The following PDE8A variants were observed in gnomAD, a reference collection of about 807,000 sequenced individuals.
The protein encoded by PDE8A is phosphodiesterase 8A.
In PDE8A, 59 loss-of-function variants were observed where a neutral mutation model predicts 105.0. The observed-to-expected ratio is 0.56, with a 90% CI of 0.46 to 0.70. The LOEUF (loss-of-function observed/expected upper bound fraction) is 0.70, where lower values mean the gene tolerates loss of function less well. PDE8A is among the 30% of genes least tolerant of loss of function. The probability of loss-of-function intolerance (pLI) is 0.00; values close to 1 mark genes in which losing one functional copy is unlikely to be tolerated. For missense variants in PDE8A, 1,014 were observed against 1,045.9 expected (o/e 0.97, Z 0.42); for synonymous variants, 355 against 371.9 (o/e 0.95, Z 0.52).
chr15:85,002,566 C>T (rs566320710), intron 1 of PDE8A, among the ~76,000 whole-genome samples: 2 of 152,356 alleles, frequency 1.3e-5, no homozygotes, highest in African/African-American at 4.8e-5. Flanking sequence ...TTGATTAAAT[C>T]ATCGGCCATT....
chr15:84,996,969 A>T (rs913650054), intron 1 of PDE8A, among the ~76,000 whole-genome samples: 1 of 152,000 alleles, frequency 6.6e-6, no homozygotes, highest in Non-Finnish European at 1.5e-5. Flanking sequence ...ACTGTGTACT[A>T]CTGTAGACCT....
intron 1 of PDE8A, among the ~76,000 whole-genome samples, chr15:84,990,526 T>G (rs2079871107): frequency 6.6e-6 from 1 of 152,212 alleles, no homozygotes. Context: ...CAGCATAATG[T>G]TTTTGAGATT....
chr15:85,006,211 T>C (rs997733021), intron 1 of PDE8A, among the ~76,000 whole-genome samples: 3 of 152,058 alleles, frequency 2.0e-5, no homozygotes, highest in Non-Finnish European at 4.4e-5. Context: ...CATGTATACA[T>C]ATGTAACTAA....
chr15:85,137,460 G>A (rs904420798), intron 21 of PDE8A, among the ~76,000 whole-genome samples: 7 of 151,456 alleles, frequency 4.6e-5, no homozygotes, highest in African/African-American at 1.7e-4. Flanking sequence ...CATCGGTTGG[G>A]GCGGGGGGGC....
Position 85,084,420 on chromosome 15 carries a change from CAG to C in PDE8A, c.635+779_635+780del, listed in dbSNP as rs1419519403. The stretch of plus-strand genomic sequence containing the variant: ...GAGTTAGCAGAGAAGTGCTGCTGAG[CAG>C]AGGTGTTTGAAGGCTGGTGTGGTAT... On this transcript the variant is annotated intron_variant, in intron 6 of 21. Transcript: ENST00000394553. Among the ~76,000 whole-genome samples the C allele has an allele frequency of 2.6e-5, 4 of 152,118 alleles. No individual in the cohort carries two copies. The East Asian group carries it at 7.7e-4, about 29-fold the overall frequency.
chr15:85,126,972 A>G (rs2082267625), intron 20 of PDE8A, among the ~76,000 whole-genome samples: 1 of 152,164 alleles, frequency 6.6e-6, no homozygotes, highest in African/African-American at 2.4e-5. Context: ...CTTTGGGAGG[A>G]TCACTTGAGC....
chr15:85,097,957 G>T lies in PDE8A; in HGVS notation c.862G>T (p.Gly288Ter). The T allele has an allele frequency of 6.4e-7, 1 of 1,564,946 alleles. No homozygotes were observed. Among genetic ancestry groups the T allele is most frequent in the Non-Finnish European group, 8.8e-7 (1 of 1,135,664 alleles). Reference protein sequence around the residue: ...SCIRIGKEWQGIYYAKKKNGD... With the variant: ...SCIRIGKEWQ ...TACATTCCATTTATAGGAGTGGCAA[G>T]GAATTTACTATGCCAAAAAGAAAAA... Residue 288 changes from glycine to a stop codon, truncating the protein, a stop_gained, in exon 9 of 22, where the codon GGA becomes TGA. Coordinates refer to ENST00000394553, the MANE Select transcript of PDE8A (RefSeq NM_002605.3). LOFTEE classifies it high-confidence loss of function.
intron 19 of PDE8A, among the ~76,000 whole-genome samples, chr15:85,125,434 T>C (rs984278912): frequency 3.5e-4 from 53 of 152,250 alleles, no homozygotes; most frequent in African/African-American, 1.3e-3. Context: ...ACATCATAAA[T>C]TGATCCATAT....
chr15:85,085,646 G>A (rs1303662889), intron 6 of PDE8A, among the ~76,000 whole-genome samples: 1 of 150,666 alleles, frequency 6.6e-6, no homozygotes, highest in Admixed American at 6.6e-5. Flanking sequence ...TTGCACTCCA[G>A]CCTGGGCAAC....
chr15:85,045,151 C>T (rs2141405119), intron 1 of PDE8A, among the ~76,000 whole-genome samples: 1 of 152,306 alleles, frequency 6.6e-6, no homozygotes, highest in Non-Finnish European at 1.5e-5. Context: ...TGCATTGCTG[C>T]CTCAGAGGGG....
chr15:85,065,354 G>GGGGAGGT, intron 2 of PDE8A, among the ~76,000 whole-genome samples: 2 of 102,692 alleles, frequency 1.9e-5, no homozygotes, highest in African/African-American at 7.4e-5. Flanking sequence ...AGGGGGGAGG[G>GGGGAGGT]ATAGCATTGG....
intron 1 of PDE8A, among the ~76,000 whole-genome samples, chr15:85,023,033 G>T (rs769877503): frequency 1.3e-5 from 2 of 152,202 alleles, no homozygotes; most frequent in Non-Finnish European, 2.9e-5. Context: ...TTAGCTCTTG[G>T]CAAGAGAACG....
chr15:84,989,973 A>G (rs1353451121), intron 1 of PDE8A, among the ~76,000 whole-genome samples: 1 of 152,106 alleles, frequency 6.6e-6, no homozygotes, highest in Non-Finnish European at 1.5e-5. Flanking sequence ...AACCCATTTT[A>G]TTTTTGGATT....
chr15:85,064,212 T>C (rs2081187044), intron 1 of PDE8A, 158 bp from the exon 2 acceptor site: 5 of 558,874 alleles, frequency 8.9e-6, no homozygotes, highest in Non-Finnish European at 1.6e-5. Context: ...AGGAGATCCT[T>C]AGGATTCCTC....
chr15:85,005,094 C>A (rs1156806807), intron 1 of PDE8A, among the ~76,000 whole-genome samples: 1 of 151,864 alleles, frequency 6.6e-6, no homozygotes, highest in Admixed American at 6.6e-5. Flanking sequence ...TGTTTTATAG[C>A]TGGGTATTAT....
chr15:85,109,103 A>AC lies in PDE8A; in HGVS notation c.1087_1088insC (p.Lys363ThrfsTer9). 6.2e-7 allele frequency: 1 copy of AC among 1,612,034 alleles called. No individual in the cohort carries two copies. The highest frequency in any genetic ancestry group is 8.5e-7 in the Non-Finnish European group (1 of 1,178,430). ...CAGGAGAAAAGGCTCACTAGACGTCAAAGCTGTTGCCTCCCGTGCAACTGA... is the reference window on the plus strand; with the variant it reads ...CAGGAGAAAAGGCTCACTAGACGTCACAAGCTGTTGCCTCCCGTGCAACTGA... On this transcript the variant is annotated frameshift_variant, in exon 12 of 22. Coordinates refer to ENST00000394553, the MANE Select transcript of PDE8A (RefSeq NM_002605.3). LOFTEE classifies it high-confidence loss of function.
chr15:84,986,193 C>G (rs1375032131), intron 1 of PDE8A, among the ~76,000 whole-genome samples: 1 of 152,148 alleles, frequency 6.6e-6, no homozygotes, highest in African/African-American at 2.4e-5. Flanking sequence ...CGTCCCTGCA[C>G]TCCAGCCTGG....
intron 6 of PDE8A, among the ~76,000 whole-genome samples, chr15:85,086,396 GACTA>G (rs1166748127): frequency 1.3e-5 from 2 of 152,112 alleles, no homozygotes; most frequent in Non-Finnish European, 2.9e-5. Context: ...TTAGACAAAT[GACTA>G]ACTGGGAAAA....
Position 84,982,317 on chromosome 15 carries a change from A to G in PDE8A, c.155A>G (p.Glu52Gly). 2 of 1,336,002 alleles carry G rather than the reference A, an allele frequency of 1.5e-6. No homozygotes were observed. The highest frequency in any genetic ancestry group is 3.0e-5 in the East Asian group (1 of 32,912). 82.8% of individuals were successfully genotyped at this position (1,336,002 alleles called of 1,614,324 possible). ...CGGACCCGCGGCGCCGGCCTCTTGG[A>G]GTCGGAGCTTCGCGACGGCAGCGGC... is the stretch of plus-strand genomic sequence containing the variant. ...LPRTRGAGLL[E>G]SELRDGSGKK... The change falls in exon 1 of 22, where the codon GAG (glutamate) becomes GGG (glycine). Residue 52 changes from glutamate (E) to glycine (G), a missense_variant. By Grantham distance (98) the Glu-to-Gly change is moderately conservative. Transcript: ENST00000394553.
Sources: allele counts gnomAD v4.1 joint callset (sites outside exome capture counted in the v4.1 genomes callset), GRCh38; gene constraint gnomAD v4.1.1; transcripts MANE v1.5; gene names NCBI Gene and HGNC (gene_info 2026-07-23, HGNC 2026-07-21).